CADM1: variants seen among roughly 807,000 people sequenced by gnomAD.
CADM1 encodes cell adhesion molecule 1, also known as TSLC-1.
CADM1 carries 15 observed loss-of-function variants against 53.1 expected under a neutral mutation model. That is an observed-to-expected ratio of 0.28 (90% CI 0.19 to 0.44). The LOEUF (loss-of-function observed/expected upper bound fraction) is 0.44. CADM1 is among the 20% of genes least tolerant of loss of function. CADM1 has a pLI of 1.00. For synonymous variants in CADM1, 281 were observed against 243.0 expected, an observed-to-expected ratio of 1.16 and a Z score of -1.45; for missense variants, 434 against 611.3, an observed-to-expected ratio of 0.71 and a Z score of 3.06.
intron 1 of CADM1, among the ~76,000 whole-genome samples, chr11:115,284,392 A>G (rs557094279): frequency 1.3e-5 from 2 of 152,156 alleles, no homozygotes; most frequent in African/African-American, 4.8e-5. Context: ...TAGGCTAGCC[A>G]GTCCTTTACT....
intron 1 of CADM1, among the ~76,000 whole-genome samples, chr11:115,326,902 G>A (rs930608206): frequency 6.6e-6 from 1 of 152,134 alleles, no homozygotes; most frequent in African/African-American, 2.4e-5. Context: ...TTATCTGAGA[G>A]GACTGTATAA....
In CADM1 at chr11:115,174,082, T is replaced by C; in HGVS notation, c.*2392A>G. ...TGTTTTATTATTATTTTTTCCAATG[T>C]GTGGGGCCTACACTTTGCAATCTAC... On this transcript the variant is annotated 3_prime_UTR_variant, in exon 12 of 12. Transcript: ENST00000331581. 1.0e-6 allele frequency: 1 copy of C among 982,876 alleles called. No homozygotes were observed. Among genetic ancestry groups the C allele is most frequent in the Non-Finnish European group, 1.2e-6 (1 of 827,620 alleles). 60.9% of individuals were successfully genotyped at this position (982,876 alleles called of 1,614,324 possible).
At chr11:115,199,901 T>C (rs933850701) in intron 8 of CADM1, among the ~76,000 whole-genome samples, 1 of 152,230 alleles carries the variant, frequency 6.6e-6, no homozygotes, top group Non-Finnish European at 1.5e-5. Flanking sequence ...ACTTTCTGAT[T>C]CAACACAGGC....
At chr11:115,415,056 G>A (rs1458726799) in intron 1 of CADM1, among the ~76,000 whole-genome samples, 2 of 152,124 alleles carry the variant, frequency 1.3e-5, no homozygotes, top group Non-Finnish European at 2.9e-5. Context: ...CTAGCAGAGT[G>A]GTCTAATGAG....
chr11:115,238,212 A>C (rs1283410902), intron 3 of CADM1, among the ~76,000 whole-genome samples: 1 of 152,180 alleles, frequency 6.6e-6, no homozygotes, highest in East Asian at 1.9e-4. Flanking sequence ...AGAAGTAATA[A>C]CATTTCATGT....
At chr11:115,434,743 C>T (rs780269574) in intron 1 of CADM1, among the ~76,000 whole-genome samples, 29 of 152,080 alleles carry the variant, frequency 1.9e-4, no homozygotes, top group Non-Finnish European at 3.5e-4. Context: ...ACTGAGAATT[C>T]GTACCGCAGC....
rs768082832 is a variant in CADM1 at position 115,214,799 on chromosome 11, G to A, written c.822-19C>T. The A allele has an allele frequency of 3.1e-6, 5 of 1,612,698 alleles. No homozygotes were observed. In the African/African-American group the frequency reaches 4.0e-5, roughly 13 times the overall value. Reference sequence around the variant, plus strand: ...CACAGGCCTGCAGGGGGAAGGGGAGGAAGACAAGTCACATTATCATTCCCC... The same window carrying A: ...CACAGGCCTGCAGGGGGAAGGGGAGAAAGACAAGTCACATTATCATTCCCC... On this transcript the variant is annotated intron_variant, in intron 6 of 11. Transcript: ENST00000331581.
chr11:115,178,479 TTTTG>T (rs1212844217), intron 11 of CADM1, among the ~76,000 whole-genome samples, 161 bp downstream of exon 11: 3 of 150,908 alleles, frequency 2.0e-5, no homozygotes, highest in Non-Finnish European at 4.4e-5. Context: ...AGATTTCTGG[TTTTG>T]TTTTTTTTTT....
chr11:115,222,177 G>A (rs1268118430), intron 5 of CADM1, among the ~76,000 whole-genome samples: 1 of 152,166 alleles, frequency 6.6e-6, no homozygotes, highest in African/African-American at 2.4e-5. Context: ...CAGAATGTCT[G>A]GGTAGCGGGT....
chr11:115,372,559 T>C (rs1259297104), intron 1 of CADM1, among the ~76,000 whole-genome samples: 1 of 152,114 alleles, frequency 6.6e-6, no homozygotes, highest in African/African-American at 2.4e-5. Flanking sequence ...ATGTGAAAGT[T>C]TGCAAATTTA....
At chr11:115,420,751 T>C (rs1315897828) in intron 1 of CADM1, among the ~76,000 whole-genome samples, 4 of 152,176 alleles carry the variant, frequency 2.6e-5, no homozygotes, top group Non-Finnish European at 5.9e-5. Flanking sequence ...TAATGACCCA[T>C]GCCGTGATCT....
chr11:115,503,405 T>C (rs548068480), intron 1 of CADM1, among the ~76,000 whole-genome samples: 1 of 152,216 alleles, frequency 6.6e-6, no homozygotes, highest in East Asian at 1.9e-4. Flanking sequence ...GGTGCCCGCC[T>C]GGCCGCAGAG....
intron 1 of CADM1, chr11:115,445,900 C>G (rs999974112): frequency 3.2e-6 from 1 of 316,512 alleles, no homozygotes; most frequent in Non-Finnish European, 6.4e-6. Context: ...TGCTTTAAGA[C>G]AGAAGAATAT....
At chr11:115,417,319 T>C (rs993251465) in intron 1 of CADM1, among the ~76,000 whole-genome samples, 3 of 152,146 alleles carry the variant, frequency 2.0e-5, no homozygotes, top group African/African-American at 7.2e-5. Context: ...TGGTGAATCT[T>C]TACAAACTAA....
intron 1 of CADM1, among the ~76,000 whole-genome samples, chr11:115,346,340 T>A (rs1015216610): frequency 1.3e-5 from 2 of 152,220 alleles, no homozygotes; most frequent in African/African-American, 4.8e-5. Context: ...TAAAATTTCA[T>A]AAAACATTAC....
chr11:115,445,215 C>A (rs2135334539), intron 1 of CADM1, among the ~76,000 whole-genome samples: 1 of 152,182 alleles, frequency 6.6e-6, no homozygotes, highest in African/African-American at 2.4e-5. Context: ...CATCAATAAC[C>A]TCTGTCTAGT....
chr11:115,481,666 T>G (rs1949259650), intron 1 of CADM1, among the ~76,000 whole-genome samples: 1 of 152,174 alleles, frequency 6.6e-6, no homozygotes, highest in African/African-American at 2.4e-5. Flanking sequence ...ATTTCCTGTC[T>G]TAGTTACTAC....
At chr11:115,380,721 G>C (rs780631017) in intron 1 of CADM1, among the ~76,000 whole-genome samples, 8 of 152,140 alleles carry the variant, frequency 5.3e-5, no homozygotes, top group African/African-American at 7.2e-5. Context: ...CATAATTAGA[G>C]GTAATCAAGC....
chr11:115,485,071 G>A (rs1949344568), intron 1 of CADM1, among the ~76,000 whole-genome samples: 1 of 152,088 alleles, frequency 6.6e-6, no homozygotes, highest in Admixed American at 6.5e-5. Flanking sequence ...CTTCCCCAGA[G>A]TTCATTCACT....
Sources: gnomAD v4.1 joint callset for allele counts (sites outside exome capture counted in the v4.1 genomes callset) on GRCh38, gnomAD v4.1.1 for gene constraint, MANE v1.5 for transcripts, NCBI Gene and HGNC (gene_info 2026-07-23, HGNC 2026-07-21) for gene names.